EIF3L: variants seen among roughly 807,000 people sequenced by gnomAD.
The protein encoded by EIF3L is eIEF associated protein HSPC021.
Under a neutral mutation model 74.6 loss-of-function variants are expected in EIF3L, and 32 were observed. That is an observed-to-expected ratio of 0.43 (90% confidence interval 0.32 to 0.58). EIF3L has a LOEUF of 0.58. Among genes scored for constraint, EIF3L ranks in the 20% least tolerant of loss-of-function variants. The probability of loss-of-function intolerance (pLI) is 0.06; values close to 1 mark genes in which losing one functional copy is unlikely to be tolerated. For missense variants in EIF3L, 474 were observed against 707.8 expected, an observed-to-expected ratio of 0.67 and a Z score of 3.75; for synonymous variants, 256 against 254.4, an observed-to-expected ratio of 1.01 and a Z score of -0.06.
chr22:37,886,714 GC>G, intron 11 of EIF3L, 50 bp from the exon 12 acceptor site: 1 of 1,536,454 alleles, frequency 6.5e-7, no homozygotes, highest in Non-Finnish European at 9.0e-7. Context: ...GGGTTAGATG[GC>G]CCTGCTCCTC....
chr22:37,876,390 T>C (rs530086961), intron 10 of EIF3L: 1 of 156,672 alleles, frequency 6.4e-6, no homozygotes, highest in East Asian at 1.9e-4. Context: ...AACCTCCGCT[T>C]CCTGGGTTCA....
At chr22:37,850,125 G>C in intron 2 of EIF3L, 62 bp downstream of exon 2, 2 of 1,591,948 alleles carry the variant, frequency 1.3e-6, no homozygotes, top group Non-Finnish European at 8.6e-7. Context: ...GAATGTCTTA[G>C]AACCAGCTCT....
intron 10 of EIF3L, chr22:37,877,403 C>A: frequency 2.4e-6 from 1 of 415,836 alleles, no homozygotes; most frequent in Non-Finnish European, 4.3e-6. Context: ...AAAGGATTGA[C>A]CTGCTAGTGA....
intron 9 of EIF3L, among the ~76,000 whole-genome samples, 195 bp downstream of exon 9, chr22:37,874,719 G>T (rs1926653451): frequency 6.6e-6 from 1 of 152,026 alleles, no homozygotes. Context: ...GTTAACAACA[G>T]TTTTTTATTT....
At position 37,875,867 on chromosome 22, in the gene EIF3L, C is replaced by T. The variant is rs368765723; in HGVS notation, c.933C>T (p.Cys311=). 2.5e-6 allele frequency: 4 copies of T among 1,613,624 alleles called. No homozygotes were observed. Among genetic ancestry groups the T allele is most frequent in the Admixed American group, 1.7e-5 (1 of 59,902 alleles). ...KKSMYSRVPE[C]QVTTYYYVGF... Reference sequence around the variant, plus strand: ...GTATGTATTCCCGTGTGCCAGAGTGCCAGGTCACCACATACTATTATGTTG... The same window carrying T: ...GTATGTATTCCCGTGTGCCAGAGTGTCAGGTCACCACATACTATTATGTTG... Residue 311 remains cysteine, a synonymous_variant, in exon 10 of 13, where the codon TGC becomes TGT. Coordinates refer to ENST00000652021, the MANE Select transcript of EIF3L (RefSeq NM_016091.4).
At position 37,859,445 on chromosome 22, in the gene EIF3L, G is replaced by C. The variant is rs1014060986; in HGVS notation, c.435+705G>C. On this transcript the variant is annotated intron_variant, in intron 5 of 12. Transcript: ENST00000652021. The stretch of plus-strand genomic sequence containing the variant: ...CGCCCAGGCTGGAGTACAGTGGCGC[G>C]ATCTCAGCTCACTGCAGGCTCCACC... Among the ~76,000 whole-genome samples, 3 of 134,892 alleles carry C rather than the reference G, an allele frequency of 2.2e-5. No homozygotes were observed. In the Admixed American group the frequency reaches 2.4e-4, roughly 11 times the overall value. The allele number at this position is 134,892 out of a possible 152,430, so 88.5% of individuals were successfully genotyped here.
chr22:37,884,933 A>G (rs1601786343), intron 11 of EIF3L: 3 of 92,058 alleles, frequency 3.3e-5, no homozygotes, highest in Non-Finnish European at 3.9e-5. Context: ...TTTTTTTTTA[A>G]GATAGCATCT....
rs1925098308 is a variant in EIF3L at position 37,850,044 on chromosome 22, C to T, written c.63C>T (p.Ser21=). Residue 21 remains serine (S), a synonymous_variant, in exon 2 of 13, where the codon AGC becomes AGT. Coordinates refer to ENST00000652021, the MANE Select transcript of EIF3L (RefSeq NM_016091.4). ...EAAYDPYAYP[S]DYDMHTGDPK... is the part of the protein sequence containing the mutation. ...CTTATGACCCCTACGCTTATCCCAG[C>T]GACTATGATATGCACACAGGTGAGA... is the stretch of plus-strand genomic sequence containing the variant. The T allele has an allele frequency of 6.2e-7, 1 of 1,613,680 alleles. No individual in the cohort carries two copies. Among genetic ancestry groups the T allele is most frequent in the South Asian group, 1.1e-5 (1 of 91,076 alleles).
At chr22:37,871,323 G>A (rs1252260036) in intron 8 of EIF3L, 1 of 152,100 alleles carries the variant, frequency 6.6e-6, no homozygotes, top group Non-Finnish European at 1.5e-5. Context: ...GTAGTAGTAT[G>A]TATGGGTTGA....
intron 8 of EIF3L, among the ~76,000 whole-genome samples, 178 bp downstream of exon 8, chr22:37,870,525 T>C (rs1199751142): frequency 1.3e-5 from 2 of 152,166 alleles, no homozygotes; most frequent in African/African-American, 4.8e-5. Context: ...CTGGGGGCTC[T>C]GGGGCTTGGG....
chr22:37,872,541 G>T (rs1399838163), intron 8 of EIF3L, among the ~76,000 whole-genome samples: 5 of 152,122 alleles, frequency 3.3e-5, no homozygotes, highest in African/African-American at 7.2e-5. Context: ...CTGACATCAG[G>T]TAAGCATTTA....
intron 9 of EIF3L, among the ~76,000 whole-genome samples, chr22:37,874,792 G>C (rs1341859327): frequency 6.6e-6 from 1 of 151,792 alleles, no homozygotes; most frequent in African/African-American, 2.4e-5. Context: ...GCAGTGGTGT[G>C]ATCTCAGCTC....
chr22:37,870,422 C>G (rs1403787029), intron 8 of EIF3L, 75 bp downstream of exon 8: 2 of 1,430,548 alleles, frequency 1.4e-6, no homozygotes, highest in African/African-American at 2.9e-5. Context: ...GAATAGATCA[C>G]TGCAAGGAGA....
At chr22:37,851,182 C>T (rs1355115685) in intron 2 of EIF3L, 98 bp from the exon 3 acceptor site, 7 of 926,700 alleles carry the variant, frequency 7.6e-6, no homozygotes, top group African/African-American at 3.3e-5. Context: ...GGGAATTTTA[C>T]GCAGACCTGA....
chr22:37,851,791 G>A (rs1046031542), intron 3 of EIF3L, among the ~76,000 whole-genome samples: 3 of 151,998 alleles, frequency 2.0e-5, no homozygotes, highest in Non-Finnish European at 2.9e-5. Flanking sequence ...TCAGCTTCCC[G>A]AGTAGCTGGG....
intron 4 of EIF3L, among the ~76,000 whole-genome samples, chr22:37,857,511 G>A: frequency 6.6e-6 from 1 of 151,244 alleles, no homozygotes; most frequent in East Asian, 1.9e-4. Flanking sequence ...TTTTGTTATA[G>A]CTAACGTTTT....
intron 9 of EIF3L, 55 bp from the exon 10 acceptor site, chr22:37,875,786 G>T (rs551041938): frequency 1.3e-6 from 2 of 1,543,128 alleles, no homozygotes; most frequent in South Asian, 2.4e-5. Flanking sequence ...TCTACCTCTG[G>T]TTCTATCTAG....
intron 5 of EIF3L, among the ~76,000 whole-genome samples, chr22:37,861,021 T>C (rs923650249): frequency 6.6e-6 from 1 of 152,204 alleles, no homozygotes; most frequent in Admixed American, 6.6e-5. Flanking sequence ...TATTTGTTTA[T>C]TTAGGGGAGG....
At chr22:37,865,154 C>T (rs916187986) in intron 7 of EIF3L, among the ~76,000 whole-genome samples, 7 of 151,966 alleles carry the variant, frequency 4.6e-5, no homozygotes, top group African/African-American at 9.7e-5. Flanking sequence ...TCCAGGAGTT[C>T]GAGAAATAGA....
Sources: allele counts gnomAD v4.1 joint callset (sites outside exome capture counted in the v4.1 genomes callset), GRCh38; gene constraint gnomAD v4.1.1; transcripts MANE v1.5; gene names NCBI Gene and HGNC (gene_info 2026-07-23, HGNC 2026-07-21).